Variants in COP1 observed in about 807,000 individuals in gnomAD.
The protein encoded by COP1 is E3 ubiquitin-protein ligase COP1.
Under a neutral mutation model 101.3 loss-of-function variants are expected in COP1, and 24 were observed. That is an observed-to-expected ratio of 0.24 (90% CI 0.17 to 0.33). The LOEUF (loss-of-function observed/expected upper bound fraction) is 0.33. COP1 is among the 10% of genes least tolerant of loss of function. The pLI is 1.00. For synonymous variants in COP1, 347 were observed against 341.9 expected (o/e 1.01, Z -0.17); for missense variants, 663 against 906.2 (o/e 0.73, Z 3.45).
intron 8 of COP1, among the ~76,000 whole-genome samples, chr1:176,121,668 C>T (rs1346225293): frequency 6.6e-6 from 1 of 152,066 alleles, no homozygotes; most frequent in Non-Finnish European, 1.5e-5. Flanking sequence ...AAATAGATTT[C>T]CTGATTTTGA....
chr1:176,188,926 T>C (rs1024235587), intron 1 of COP1, among the ~76,000 whole-genome samples: 2 of 151,882 alleles, frequency 1.3e-5, no homozygotes, highest in African/African-American at 2.4e-5. Context: ...GTAATTGAAG[T>C]CACAGATGAC....
chr1:176,059,969 C>T (rs978189970), intron 11 of COP1, among the ~76,000 whole-genome samples: 4 of 152,082 alleles, frequency 2.6e-5, no homozygotes, highest in Non-Finnish European at 5.9e-5. Context: ...TATTAGTTTG[C>T]TGACCTTAAA....
intron 8 of COP1, among the ~76,000 whole-genome samples, chr1:176,120,197 G>A (rs1258211254): frequency 6.6e-6 from 1 of 152,056 alleles, no homozygotes; most frequent in Non-Finnish European, 1.5e-5. Flanking sequence ...GTGGCAGGCG[G>A]ATCACCTGAG....
chr1:176,049,340 A>C (rs1327763115), intron 11 of COP1, among the ~76,000 whole-genome samples: 1 of 152,134 alleles, frequency 6.6e-6, no homozygotes. Context: ...TTAAAAAGTT[A>C]ACTTTTTGTT....
chr1:176,071,247 C>T (rs1352208996), intron 11 of COP1, among the ~76,000 whole-genome samples: 2 of 152,078 alleles, frequency 1.3e-5, no homozygotes, highest in Admixed American at 6.6e-5. Context: ...ACTTGCCCCT[C>T]CTTTAGCTAT....
At chr1:176,033,792 TG>T (rs1215022279) in intron 14 of COP1, among the ~76,000 whole-genome samples, 2 of 151,892 alleles carry the variant, frequency 1.3e-5, no homozygotes, top group Admixed American at 6.6e-5. Flanking sequence ...ATTTAAGCAA[TG>T]AAAAAAATAG....
At chr1:176,157,491 T>C (rs962463243) in intron 5 of COP1, among the ~76,000 whole-genome samples, 2 of 152,104 alleles carry the variant, frequency 1.3e-5, no homozygotes, top group Non-Finnish European at 2.9e-5. Context: ...GGGCCAGAAA[T>C]ATTACATGTT....
chr1:175,976,661 C>A (rs1352244959), intron 18 of COP1, among the ~76,000 whole-genome samples: 8 of 152,064 alleles, frequency 5.3e-5, no homozygotes, highest in Non-Finnish European at 1.2e-4. Context: ...TAAGGATGAT[C>A]ATGGGAATAC....
At chr1:176,189,571 GTAC>G (rs1191429408) in intron 1 of COP1, among the ~76,000 whole-genome samples, 2 of 151,800 alleles carry the variant, frequency 1.3e-5, no homozygotes, top group Non-Finnish European at 2.9e-5. Flanking sequence ...CCACAGACCT[GTAC>G]TACAAGATAT....
chr1:176,005,048 CAGAG>C (rs926288207), intron 15 of COP1, among the ~76,000 whole-genome samples: 1 of 152,168 alleles, frequency 6.6e-6, no homozygotes, highest in African/African-American at 2.4e-5. Context: ...TTGGTCTACT[CAGAG>C]ATTCAATTTC....
chr1:176,157,108 G>C (rs1693580286), intron 5 of COP1, among the ~76,000 whole-genome samples: 1 of 152,058 alleles, frequency 6.6e-6, no homozygotes, highest in African/African-American at 2.4e-5. Context: ...TGAGGCAGGA[G>C]AATCTCTTGA....
chr1:176,057,004 C>A (rs1441640099), intron 11 of COP1, among the ~76,000 whole-genome samples: 20 of 152,172 alleles, frequency 1.3e-4, no homozygotes, highest in Non-Finnish European at 1.5e-5. Flanking sequence ...CGTTATACCT[C>A]CAAAAATATT....
chr1:176,055,362 G>T (rs1571955986), intron 11 of COP1, among the ~76,000 whole-genome samples: 1 of 152,302 alleles, frequency 6.6e-6, no homozygotes, highest in Admixed American at 6.5e-5. Context: ...TTAAACCCGG[G>T]AAGAGGAGGT....
intron 15 of COP1, among the ~76,000 whole-genome samples, chr1:176,013,386 T>G (rs1387201906): frequency 6.6e-6 from 1 of 152,226 alleles, no homozygotes; most frequent in Non-Finnish European, 1.5e-5. Context: ...AATATAATCT[T>G]GTAATTTAAA....
intron 15 of COP1, among the ~76,000 whole-genome samples, chr1:176,024,012 C>T (rs1571750503): frequency 6.6e-6 from 1 of 152,044 alleles, no homozygotes; most frequent in African/African-American, 2.4e-5. Flanking sequence ...AATCCAAGCA[C>T]TTTGGGAGGC....
At chr1:176,180,962 A>G (rs1697658069) in intron 2 of COP1, among the ~76,000 whole-genome samples, 1 of 152,202 alleles carries the variant, frequency 6.6e-6, no homozygotes, top group African/African-American at 2.4e-5. Context: ...CTTGTAATGA[A>G]GCGAAATAGT....
At chr1:176,011,932 TAAAC>T (rs1485291696) in intron 15 of COP1, among the ~76,000 whole-genome samples, 2 of 77,206 alleles carry the variant, frequency 2.6e-5, no homozygotes, top group Non-Finnish European at 3.6e-5. Context: ...CAATATATGA[TAAAC>T]AACTGTGTTA....
At chr1:176,043,097 A>G in intron 14 of COP1, 89 bp downstream of exon 14, 1 of 780,670 alleles carries the variant, frequency 1.3e-6, no homozygotes, top group Non-Finnish European at 2.2e-6. Context: ...CATGAGTTTG[A>G]GTAAATATTT....
intron 8 of COP1, among the ~76,000 whole-genome samples, chr1:176,126,716 T>C (rs780051166): frequency 2.0e-5 from 3 of 152,206 alleles, no homozygotes; most frequent in Non-Finnish European, 2.9e-5. Context: ...CCTCCCAAAG[T>C]GCTGGGGTTA....
Sources: gnomAD v4.1 joint callset for allele counts (sites outside exome capture counted in the v4.1 genomes callset) on GRCh38, gnomAD v4.1.1 for gene constraint, MANE v1.5 for transcripts, NCBI Gene and HGNC (gene_info 2026-07-23, HGNC 2026-07-21) for gene names.